The following DOK4 variants were observed in gnomAD, a reference collection of about 807,000 sequenced individuals.
DOK4 encodes docking protein 4, also known as downstream of tyrosine kinase 4.
Under a neutral mutation model 40.1 loss-of-function variants are expected in DOK4, and 26 were observed. That is an observed-to-expected ratio of 0.65 (90% confidence interval 0.48 to 0.90). The LOEUF is 0.90. DOK4 is among the 40% of genes least tolerant of loss of function. DOK4 has a pLI of 0.00. For synonymous variants in DOK4, 179 were observed against 177.0 expected (o/e 1.01, Z -0.09); for missense variants, 392 against 437.2 (o/e 0.90, Z 0.92).
In DOK4 at chr16:57,479,173, C is replaced by T. The variant is rs2031314128; in HGVS notation, c.66+269G>A. Among the ~76,000 whole-genome samples, 1 of 152,250 alleles carries T rather than the reference C, an allele frequency of 6.6e-6. No homozygotes were observed. The highest frequency in any genetic ancestry group is 1.5e-5 in the Non-Finnish European group (1 of 68,044). ...AATAGCAGGGGAGCCGCCTGCCCAT[C>T]GGTGGCCACCATTGCTGCCACTACC... On this transcript the variant is annotated intron_variant, in intron 2 of 8. Coordinates refer to ENST00000340099, the Ensembl canonical transcript of DOK4. The surrounding 1 kb of genome is among the most constrained non-coding windows in gnomAD (Gnocchi z 5.8).
In DOK4 at chr16:57,475,048, T is replaced by TC. The variant is rs1567588161; in HGVS notation, c.409+51dup. On this transcript the variant is annotated intron_variant, in intron 5 of 8. Coordinates refer to ENST00000340099, the Ensembl canonical transcript of DOK4. ...CCAGATGGGGACTTCCTCCCTCCCT[T>TC]CCTCTCTTCCTCCTCCCCCTCCCCA... 4.4e-6 allele frequency: 7 copies of TC among 1,595,850 alleles called. No homozygotes were observed. The African/African-American group carries it at 8.1e-5, about 18-fold the overall frequency.
chr16:57,472,011 T>G (rs1419421274), exon 9 of DOK4: 2 of 152,802 alleles, frequency 1.3e-5, no homozygotes, highest in African/African-American at 4.8e-5. Flanking sequence ...CATAATCTCC[T>G]TCATGCGTCA....
chr16:57,479,341 A>AT lies in DOK4; in HGVS notation c.66+100_66+101insA. On this transcript the variant is annotated intron_variant, in intron 2 of 8. Transcript: ENST00000340099. This position sits in a 1 kb window ranked among gnomAD's most constrained non-coding sequence, Gnocchi z 5.8. The stretch of plus-strand genomic sequence containing the variant: ...CAGATGCACGATGCCCGGCAGCCGG[A>AT]GGGCAGCCGCGTGCCCCACGCGCCA... The AT allele has an allele frequency of 5.3e-6, 7 of 1,315,302 alleles. No homozygotes were observed. Among genetic ancestry groups the AT allele is most frequent in the Non-Finnish European group, 7.4e-6 (7 of 940,872 alleles). The allele number at this position is 1,315,302 out of a possible 1,614,324, so 81.5% of individuals were successfully genotyped here.
chr16:57,478,528 G>C (rs1047667433), intron 2 of DOK4: 27 of 152,276 alleles, frequency 1.8e-4, no homozygotes, highest in Non-Finnish European at 2.9e-5. Flanking sequence ...TACAGGGGAA[G>C]GGGCAACTGC....
chr16:57,479,548 G>T lies in DOK4; in HGVS notation c.-41C>A. On this transcript the variant is annotated 5_prime_UTR_variant, in exon 2 of 9. Coordinates refer to ENST00000340099, the Ensembl canonical transcript of DOK4. This position sits in a 1 kb window ranked among gnomAD's most constrained non-coding sequence, Gnocchi z 5.8. ...TAGGGGCGCGGGGCCTGGCAGAGGCGAGGGGAAGGATGCCCAGGTGCCTGG... is the reference window on the plus strand; with the variant it reads ...TAGGGGCGCGGGGCCTGGCAGAGGCTAGGGGAAGGATGCCCAGGTGCCTGG... 6.2e-7 allele frequency: 1 copy of T among 1,608,386 alleles called. No individual in the cohort carries two copies.
At chr16:57,472,380 C>T (rs933637737) in exon 9 of DOK4, 2 of 152,690 alleles carry the variant, frequency 1.3e-5, no homozygotes, top group Admixed American at 6.5e-5. Context: ...AATACCAGCA[C>T]TAGAAAATCA....
In DOK4 at chr16:57,479,573, G is replaced by A; in HGVS notation, c.-66C>T. The A allele has an allele frequency of 1.1e-5, 17 of 1,566,866 alleles. No homozygotes were observed. The South Asian group carries it at 1.8e-4, about 16-fold the overall frequency. ...GAGGGGAAGGATGCCCAGGTGCCTG[G>A]GTCTCCGGCTCCTCCAATCACCTGT... On this transcript the variant is annotated 5_prime_UTR_variant, in exon 2 of 9. Transcript: ENST00000340099. The surrounding 1 kb of genome is among the most constrained non-coding windows in gnomAD (Gnocchi z 5.8).
exon 1 of DOK4, chr16:57,486,464 G>A (rs1282760208): frequency 6.6e-6 from 1 of 152,004 alleles, no homozygotes; most frequent in African/African-American, 2.4e-5. Context: ...CTAGGGATCG[G>A]GCTCCGGCTG....
chr16:57,479,624 C>T lies in DOK4; in HGVS notation c.-117G>A, dbSNP rs1598054901. 3.7e-6 allele frequency: 4 copies of T among 1,089,340 alleles called. No homozygotes were observed. Among genetic ancestry groups the T allele is most frequent in the Non-Finnish European group, 5.5e-6 (4 of 730,572 alleles). The allele number at this position is 1,089,340 out of a possible 1,614,324, so 67.5% of individuals were successfully genotyped here. A position where few individuals can be genotyped will look rare whatever the true frequency, so the allele number is the denominator to read the frequency against. ...TCCAGACACTCTGTCGGGGCTGCCG[C>T]GAGGGGCTGCTCCTCACCTCACCCG... On this transcript the variant is annotated 5_prime_UTR_variant, in exon 2 of 9. Coordinates refer to ENST00000340099, the Ensembl canonical transcript of DOK4. The surrounding 1 kb of genome is among the most constrained non-coding windows in gnomAD (Gnocchi z 5.8).
At chr16:57,479,000 A>T (rs1466384228) in intron 2 of DOK4, among the ~76,000 whole-genome samples, 2 of 152,190 alleles carry the variant, frequency 1.3e-5, no homozygotes, top group Non-Finnish European at 2.9e-5. Flanking sequence ...ACCTAAAAGA[A>T]AAGAGGCCAG....
intron 4 of DOK4, 78 bp from the exon 5 acceptor site, chr16:57,475,297 C>T: frequency 6.4e-7 from 1 of 1,565,662 alleles, no homozygotes; most frequent in Non-Finnish European, 8.6e-7. Context: ...CTTATGCCAC[C>T]ATGCACAGCA....
exon 5 of DOK4, chr16:57,475,175 G>A: frequency 6.2e-7 from 1 of 1,614,026 alleles, no homozygotes; most frequent in Non-Finnish European, 8.5e-7. Flanking sequence ...CGGGACCCCA[G>A]ACACTCCACA....
chr16:57,472,246 GTCTGT>G (rs1567585534), exon 9 of DOK4: 1 of 152,378 alleles, frequency 6.6e-6, no homozygotes, highest in Non-Finnish European at 1.5e-5. Context: ...TTACAAGAAG[GTCTGT>G]TCCCACAAAT....
In DOK4 at chr16:57,485,395, G is replaced by C. The variant is rs2031515303; in HGVS notation, c.-182+910C>G. The stretch of plus-strand genomic sequence containing the variant: ...TGGGGAGAGGAGGCACAGCTCCTGG[G>C]ATCAGAGTTGGGGGTGGGGGCAGGA... On this transcript the variant is annotated intron_variant, in intron 1 of 8. Transcript: ENST00000340099. The surrounding 1 kb of genome is among the most constrained non-coding windows in gnomAD (Gnocchi z 4.3). Among the ~76,000 whole-genome samples, 1 of 152,180 alleles carries C rather than the reference G, an allele frequency of 6.6e-6. No homozygotes were observed. The highest frequency in any genetic ancestry group is 2.4e-5 in the African/African-American group (1 of 41,442).
chr16:57,487,202 C>T (rs1458166532), upstream of DOK4: 1 of 152,290 alleles, frequency 6.6e-6, no homozygotes, highest in Non-Finnish European at 1.5e-5. Flanking sequence ...CCCAGTGCCT[C>T]CTCTGGGGAG....
At chr16:57,475,660 A>AT in intron 3 of DOK4, 40 bp from the exon 4 acceptor site, 2 of 476,186 alleles carry the variant, frequency 4.2e-6, no homozygotes, top group Non-Finnish European at 6.8e-6. Context: ...AGGCCAGTGC[A>AT]TCTCTCTCTC....
upstream of DOK4, among the ~76,000 whole-genome samples, chr16:57,486,673 C>G (rs2031553855): frequency 6.6e-6 from 1 of 152,040 alleles, no homozygotes; most frequent in African/African-American, 2.4e-5. Context: ...CACCGCCCCT[C>G]CCTGGGCCCC....
chr16:57,483,759 C>A (rs562172972), intron 1 of DOK4, among the ~76,000 whole-genome samples: 1 of 152,214 alleles, frequency 6.6e-6, no homozygotes. Context: ...AACAGGCCTG[C>A]AGCAGGAAGA....
At chr16:57,475,855 G>A (rs2031152227) in exon 3 of DOK4, 1 of 1,611,946 alleles carries the variant, frequency 6.2e-7, no homozygotes. Flanking sequence ...CTAACCTTGG[G>A]GCAGCCCCGG....
Sources: gnomAD v4.1 joint callset for allele counts (sites outside exome capture counted in the v4.1 genomes callset) on GRCh38, gnomAD v4.1.1 for gene constraint, Gnocchi (gnomAD v3.1) non-coding constraint, MANE v1.5 for transcripts, NCBI Gene and HGNC (gene_info 2026-07-23, HGNC 2026-07-21) for gene names.